SFMBT2: variants seen among roughly 807,000 people sequenced by gnomAD.
SFMBT2 encodes the protein scm-like with four MBT domains protein 2.
In SFMBT2, 38 loss-of-function variants were observed where a neutral mutation model predicts 110.1. The observed-to-expected ratio is 0.35, with a 90% CI of 0.27 to 0.45. The LOEUF (loss-of-function observed/expected upper bound fraction) is 0.45. SFMBT2 is among the 20% of genes least tolerant of loss of function. The pLI, the probability that SFMBT2 is intolerant of heterozygous loss-of-function variation, is 1.00. For missense variants in SFMBT2, 1,011 were observed against 1,094.9 expected (o/e 0.92, Z 1.08); for synonymous variants, 425 against 425.4 (o/e 1.00, Z 0.01).
At position 7,408,081 on chromosome 10, in the gene SFMBT2, G is replaced by C. The variant is rs1374848803; in HGVS notation, c.-52+2780C>G. Among the ~76,000 whole-genome samples the C allele has an allele frequency of 1.3e-5, 2 of 152,230 alleles. No homozygotes were observed. Among genetic ancestry groups the C allele is most frequent in the Admixed American group, 1.3e-4 (2 of 15,286 alleles). ...ACGGCACGGCCTCGTGCAAAATCGCGGGTTTCGGGGCCTTGGAGCAAATTG... is the reference window on the plus strand; with the variant it reads ...ACGGCACGGCCTCGTGCAAAATCGCCGGTTTCGGGGCCTTGGAGCAAATTG... On this transcript the variant is annotated intron_variant, in intron 1 of 20. Coordinates refer to ENST00000397167, the MANE Select transcript of SFMBT2 (RefSeq NM_001387889.1). This position sits in a 1 kb window ranked among gnomAD's most constrained non-coding sequence, Gnocchi z 5.7.
At chr10:7,249,742 C>T (rs117091999) in intron 7 of SFMBT2, among the ~76,000 whole-genome samples, 9,220 of 152,264 alleles carry the variant, frequency 0.061, 380 homozygotes, top group Non-Finnish European at 0.089. Context: ...AAGAGGAGAT[C>T]AGACTAGAAG....
intron 4 of SFMBT2, among the ~76,000 whole-genome samples, chr10:7,339,254 T>G (rs1843817033): frequency 6.6e-6 from 1 of 152,058 alleles, no homozygotes; most frequent in South Asian, 2.1e-4. Flanking sequence ...AATAAATAAA[T>G]AAATGAATAA....
At position 7,202,517 on chromosome 10, in the gene SFMBT2, T is replaced by G; in HGVS notation, c.1450A>C (p.Lys484Gln). The change falls in exon 13 of 21, where the codon AAG becomes CAG. Residue 484 changes from lysine (K) to glutamine (Q), a missense_variant. This residue lies in a region of SFMBT2 where 979 missense variants were observed against 1,016.1 expected (regional missense o/e 0.96). Coordinates refer to ENST00000397167, the MANE Select transcript of SFMBT2 (RefSeq NM_001387889.1). ...LTAPHKTVSQ[K>Q]KRKIAVVQPE... ...TGCACGACTGCAATCTTTCTCTTCT[T>G]TTGTGCTGTAGAAAAGGCAAAACGG... 1.2e-6 allele frequency: 2 copies of G among 1,614,194 alleles called. No individual in the cohort carries two copies. Among genetic ancestry groups the G allele is most frequent in the Non-Finnish European group, 1.7e-6 (2 of 1,180,034 alleles).
At position 7,184,412 on chromosome 10, in the gene SFMBT2, G is replaced by A. The variant is rs140161427; in HGVS notation, c.1808+4212C>T. Reference sequence around the variant, plus strand: ...TCTCTTCTCTTGTCTGCCACCATGTGAGATGTGCCTTTCACCTTCCGCTGT... The same window carrying A: ...TCTCTTCTCTTGTCTGCCACCATGTAAGATGTGCCTTTCACCTTCCGCTGT... On this transcript the variant is annotated intron_variant, in intron 16 of 20. Coordinates refer to ENST00000397167, the MANE Select transcript of SFMBT2 (RefSeq NM_001387889.1). Among the ~76,000 whole-genome samples the A allele has an allele frequency of 6.2e-3, 946 of 152,164 alleles. 6 individuals carry two copies. Among genetic ancestry groups the A allele is most frequent in the African/African-American group, 0.016 (655 of 41,516 alleles).
intron 7 of SFMBT2, among the ~76,000 whole-genome samples, chr10:7,274,846 C>A (rs541365866): frequency 5.9e-5 from 9 of 151,576 alleles, no homozygotes; most frequent in Non-Finnish European, 1.0e-4. Flanking sequence ...CAGAGTGACA[C>A]CGTTTCTCCA....
At chr10:7,202,420 C>T in intron 13 of SFMBT2, 60 bp downstream of exon 13, 1 of 1,607,282 alleles carries the variant, frequency 6.2e-7, no homozygotes, top group Non-Finnish European at 8.5e-7. Flanking sequence ...TCCCATCCTC[C>T]ATAAAGACAC....
At chr10:7,375,081 G>C (rs1845164701) in intron 2 of SFMBT2, among the ~76,000 whole-genome samples, 1 of 152,164 alleles carries the variant, frequency 6.6e-6, no homozygotes, top group African/African-American at 2.4e-5. Context: ...ATGATGTCAT[G>C]AAAACCGACT....
At chr10:7,235,677 G>A (rs1051365443) in intron 9 of SFMBT2, among the ~76,000 whole-genome samples, 1 of 151,868 alleles carries the variant, frequency 6.6e-6, no homozygotes. Flanking sequence ...ACAAAGAGAA[G>A]CTAACAAATC....
At chr10:7,198,131 T>C (rs538121468) in intron 14 of SFMBT2, 3 of 985,398 alleles carry the variant, frequency 3.0e-6, no homozygotes, top group East Asian at 1.1e-4. Flanking sequence ...AAACAATATA[T>C]GATATATTAA....
At chr10:7,180,760 G>A (rs1185011529) in intron 16 of SFMBT2, among the ~76,000 whole-genome samples, 1 of 152,182 alleles carries the variant, frequency 6.6e-6, no homozygotes, top group African/African-American at 2.4e-5. Context: ...CGTCGCATGT[G>A]GGGACAGCTG....
At chr10:7,298,714 CGTAT>C (rs200211576) in intron 4 of SFMBT2, among the ~76,000 whole-genome samples, 2,074 of 151,616 alleles carry the variant, frequency 0.014, 48 homozygotes, top group African/African-American at 0.048. Flanking sequence ...TGCATATGTG[CGTAT>C]GTATGTGTGT....
chr10:7,286,728 T>G (rs1842102537), intron 4 of SFMBT2, among the ~76,000 whole-genome samples: 1 of 152,176 alleles, frequency 6.6e-6, no homozygotes. Context: ...CTTGATCATC[T>G]GCAAATTTTG....
At chr10:7,288,754 G>C (rs1842175281) in intron 4 of SFMBT2, among the ~76,000 whole-genome samples, 1 of 152,132 alleles carries the variant, frequency 6.6e-6, no homozygotes, top group Non-Finnish European at 1.5e-5. Flanking sequence ...ACAGCGGCCA[G>C]GTGCGGTGGC....
intron 11 of SFMBT2, among the ~76,000 whole-genome samples, chr10:7,215,329 G>T (rs1263368594): frequency 6.6e-6 from 1 of 152,150 alleles, no homozygotes; most frequent in Non-Finnish European, 1.5e-5. Context: ...TATTTGAGGA[G>T]TCTGAGGCTG....
intron 4 of SFMBT2, among the ~76,000 whole-genome samples, chr10:7,346,933 T>C (rs2131998934): frequency 6.6e-6 from 1 of 152,026 alleles, no homozygotes; most frequent in South Asian, 2.1e-4. Context: ...GAGGTTACAG[T>C]AAGCCGAGAT....
chr10:7,323,320 A>T (rs1310002421), intron 4 of SFMBT2, among the ~76,000 whole-genome samples: 1 of 151,894 alleles, frequency 6.6e-6, no homozygotes, highest in Non-Finnish European at 1.5e-5. Flanking sequence ...GTATGGTGGC[A>T]GGTGCCTATA....
At chr10:7,288,718 A>C (rs551115226) in intron 4 of SFMBT2, among the ~76,000 whole-genome samples, 1 of 152,122 alleles carries the variant, frequency 6.6e-6, no homozygotes, top group Non-Finnish European at 1.5e-5. Flanking sequence ...TTAACTCTTG[A>C]CCAAGTTCAC....
chr10:7,272,581 T>TG (rs1841625778), intron 7 of SFMBT2, among the ~76,000 whole-genome samples: 1 of 152,162 alleles, frequency 6.6e-6, no homozygotes, highest in South Asian at 2.1e-4. Flanking sequence ...CTGAACAGGC[T>TG]GGGGCAGGAA....
chr10:7,278,420 G>T (rs1158801634), intron 6 of SFMBT2, among the ~76,000 whole-genome samples: 2 of 152,178 alleles, frequency 1.3e-5, no homozygotes, highest in Admixed American at 6.5e-5. Flanking sequence ...CGTGGGCACT[G>T]CATCCAAACC....
Sources: allele counts gnomAD v4.1 joint callset (sites outside exome capture counted in the v4.1 genomes callset), GRCh38; gene constraint gnomAD v4.1.1; regional missense constraint gnomAD v4.1.1; non-coding constraint Gnocchi (gnomAD v3.1); transcripts MANE v1.5; gene names NCBI Gene and HGNC (gene_info 2026-07-23, HGNC 2026-07-21).